The following SEMA3C variants were observed in gnomAD, a reference collection of about 807,000 sequenced individuals.
The protein encoded by SEMA3C is semaphorin-3C.
In SEMA3C, 47 loss-of-function variants were observed where a neutral mutation model predicts 89.4. That is an observed-to-expected ratio of 0.53 (90% confidence interval 0.42 to 0.67). SEMA3C has a LOEUF of 0.67. Among genes scored for constraint, SEMA3C ranks in the 30% least tolerant of loss-of-function variants. The pLI, the probability that SEMA3C is intolerant of heterozygous loss-of-function variation, is 0.00. For synonymous variants in SEMA3C, 310 were observed against 320.2 expected (o/e 0.97, Z 0.34); for missense variants, 839 against 929.1 (o/e 0.90, Z 1.26).
intron 4 of SEMA3C, among the ~76,000 whole-genome samples, chr7:80,822,969 C>T (rs149488275): frequency 0.013 from 1,960 of 152,176 alleles, 29 homozygotes; most frequent in Middle Eastern, 0.075. Flanking sequence ...GAGACTTCAG[C>T]GGAAATAAAT....
chr7:80,808,732 A>G (rs1427075701), intron 6 of SEMA3C, among the ~76,000 whole-genome samples: 5 of 152,200 alleles, frequency 3.3e-5, no homozygotes, highest in Admixed American at 2.0e-4. Context: ...AAAGACGTCT[A>G]CTATACGTAT....
chr7:80,872,922 T>TGAAA (rs1554385767), intron 2 of SEMA3C, among the ~76,000 whole-genome samples: 1 of 99,040 alleles, frequency 1.0e-5, no homozygotes, highest in Non-Finnish European at 1.9e-5. Flanking sequence ...AGAATGAGAG[T>TGAAA]GAAAAAAAAA....
At chr7:80,853,869 AAT>A (rs539718573) in intron 2 of SEMA3C, among the ~76,000 whole-genome samples, 347 of 151,746 alleles carry the variant, frequency 2.3e-3, no homozygotes, top group African/African-American at 7.9e-3. Context: ...CCTGTATCAA[AAT>A]ATCTTATGTA....
chr7:80,863,825 GAT>G (rs1414021930), intron 2 of SEMA3C, among the ~76,000 whole-genome samples: 3 of 103,472 alleles, frequency 2.9e-5, no homozygotes, highest in East Asian at 6.4e-4. Flanking sequence ...ATATATATGT[GAT>G]ATGTGATATA....
chr7:80,892,321 A>G (rs1197477510), intron 2 of SEMA3C, among the ~76,000 whole-genome samples: 1 of 152,120 alleles, frequency 6.6e-6, no homozygotes, highest in Admixed American at 6.6e-5. Flanking sequence ...ATTAAAATGT[A>G]TTTACAGAGA....
At chr7:80,831,546 A>G (rs1790008786) in intron 2 of SEMA3C, among the ~76,000 whole-genome samples, 1 of 152,190 alleles carries the variant, frequency 6.6e-6, no homozygotes. Context: ...ATATTAATAT[A>G]TTCAATTTTT....
At chr7:80,906,163 C>A (rs1416631612) in intron 2 of SEMA3C, among the ~76,000 whole-genome samples, 4 of 152,128 alleles carry the variant, frequency 2.6e-5, no homozygotes, top group Non-Finnish European at 5.9e-5. Context: ...ATTGTTGGAA[C>A]TTCATACAGA....
intron 12 of SEMA3C, among the ~76,000 whole-genome samples, chr7:80,779,867 C>T (rs1244325131): frequency 6.6e-6 from 1 of 152,134 alleles, no homozygotes; most frequent in Non-Finnish European, 1.5e-5. Context: ...AGCAAACAAC[C>T]ACATTTTAAA....
chr7:80,877,652 A>C (rs1293781031), intron 2 of SEMA3C, among the ~76,000 whole-genome samples: 1 of 152,220 alleles, frequency 6.6e-6, no homozygotes, highest in African/African-American at 2.4e-5. Flanking sequence ...AAGAAAATAC[A>C]TTCACCTGGT....
intron 5 of SEMA3C, among the ~76,000 whole-genome samples, chr7:80,814,923 T>C (rs1196096486): frequency 2.0e-5 from 3 of 152,120 alleles, no homozygotes; most frequent in African/African-American, 7.2e-5. Flanking sequence ...TCCTACAACT[T>C]TTCCACCCCC....
At chr7:80,807,029 G>T (rs6467405) in intron 6 of SEMA3C, among the ~76,000 whole-genome samples, 52,676 of 151,702 alleles carry the variant, frequency 0.35, 9,410 homozygotes, top group East Asian at 0.52. Context: ...TCTAGGCCCA[G>T]GGAAACAGAT....
At chr7:80,867,212 A>G (rs557567757) in intron 2 of SEMA3C, among the ~76,000 whole-genome samples, 2 of 152,336 alleles carry the variant, frequency 1.3e-5, no homozygotes, top group East Asian at 3.9e-4. Context: ...ACAAACAGAA[A>G]ATATCTATGT....
intron 2 of SEMA3C, among the ~76,000 whole-genome samples, chr7:80,896,095 T>C (rs1284986875): frequency 6.6e-6 from 1 of 152,168 alleles, no homozygotes; most frequent in Non-Finnish European, 1.5e-5. Context: ...AAGCATGATA[T>C]TAATATCTAA....
intron 2 of SEMA3C, among the ~76,000 whole-genome samples, chr7:80,878,397 AAAG>A (rs1791250143): frequency 6.6e-6 from 1 of 152,166 alleles, no homozygotes; most frequent in South Asian, 2.1e-4. Context: ...AACAAACAAA[AAAG>A]AATTAAAAAA....
chr7:80,852,316 C>T (rs1219221214), intron 2 of SEMA3C, among the ~76,000 whole-genome samples: 1 of 152,156 alleles, frequency 6.6e-6, no homozygotes, highest in Non-Finnish European at 1.5e-5. Context: ...GCATGGTTAT[C>T]CCCTTGATAC....
At chr7:80,812,850 G>A (rs1198589270) in intron 5 of SEMA3C, among the ~76,000 whole-genome samples, 1 of 151,832 alleles carries the variant, frequency 6.6e-6, no homozygotes, top group Non-Finnish European at 1.5e-5. Context: ...GCAGTGGTGC[G>A]ATCTCGGCTT....
chr7:80,783,733 A>G (rs554086513), intron 12 of SEMA3C, among the ~76,000 whole-genome samples: 1 of 152,342 alleles, frequency 6.6e-6, no homozygotes, highest in African/African-American at 2.4e-5. Context: ...GTTACTATGA[A>G]GGCAGTTATC....
chr7:80,815,036 T>C (rs1789566380), intron 5 of SEMA3C, among the ~76,000 whole-genome samples: 1 of 152,198 alleles, frequency 6.6e-6, no homozygotes, highest in Admixed American at 6.5e-5. Flanking sequence ...ACTTCTCTGT[T>C]GACATATAAG....
chr7:80,817,270 AC>A (rs993986447), intron 5 of SEMA3C, among the ~76,000 whole-genome samples: 8 of 152,224 alleles, frequency 5.3e-5, no homozygotes, highest in African/African-American at 1.4e-4. Flanking sequence ...ACTTAAAAAA[AC>A]ATTGTTCAGT....
Sources: allele counts gnomAD v4.1 joint callset (sites outside exome capture counted in the v4.1 genomes callset), GRCh38; gene constraint gnomAD v4.1.1; transcripts MANE v1.5; gene names NCBI Gene and HGNC (gene_info 2026-07-23, HGNC 2026-07-21).